The following DDX60L variants were observed in gnomAD, a reference collection of about 807,000 sequenced individuals.
The protein encoded by DDX60L is DExD/H-box 60 like, also known as probable ATP-dependent RNA helicase DDX60-like.
In DDX60L, 191 loss-of-function variants were observed where a neutral mutation model predicts 211.6. That is an observed-to-expected ratio of 0.90 (90% CI 0.80 to 1.02). The LOEUF is 1.02. Among genes scored for constraint, DDX60L ranks in the 50% least tolerant of loss-of-function variants. The pLI is 0.00. For synonymous variants in DDX60L, 706 were observed against 694.1 expected (o/e 1.02, Z -0.27); for missense variants, 2,007 against 1,984.1 (o/e 1.01, Z -0.22).
At chr4:168,475,203 T>C (rs957319034) in intron 1 of DDX60L, among the ~76,000 whole-genome samples, 4 of 152,198 alleles carry the variant, frequency 2.6e-5, no homozygotes, top group Non-Finnish European at 5.9e-5. Context: ...GGAATACTAT[T>C]ATTATCCTAG....
intron 9 of DDX60L, among the ~76,000 whole-genome samples, chr4:168,442,936 A>G (rs1197105699): frequency 7.9e-5 from 12 of 152,274 alleles, no homozygotes; most frequent in African/African-American, 2.6e-4. Flanking sequence ...AAAAAACAGA[A>G]CAGAAAAACT....
At chr4:168,390,525 C>T in intron 29 of DDX60L, 1 of 1,430,880 alleles carries the variant, frequency 7.0e-7, no homozygotes, top group South Asian at 1.6e-5. Flanking sequence ...GGAGAGTTCA[C>T]ATGATCTAAA....
chr4:168,464,399 G>GT (rs1230573676), intron 4 of DDX60L, among the ~76,000 whole-genome samples: 1 of 148,480 alleles, frequency 6.7e-6, no homozygotes, highest in Non-Finnish European at 1.5e-5. Flanking sequence ...TAAAACAATA[G>GT]TTTTTTAATT....
chr4:168,456,657 G>A (rs1223819065), intron 6 of DDX60L, among the ~76,000 whole-genome samples: 1 of 152,030 alleles, frequency 6.6e-6, no homozygotes, highest in African/African-American at 2.4e-5. Flanking sequence ...ACGTCCATCA[G>A]GATCATTAAA....
At chr4:168,426,649 G>A (rs1751497526) in intron 14 of DDX60L, among the ~76,000 whole-genome samples, 1 of 152,142 alleles carries the variant, frequency 6.6e-6, no homozygotes, top group Admixed American at 6.5e-5. Context: ...GCTTCTGCTG[G>A]CTAGACGGGC....
chr4:168,436,141 G>T (rs538088723), intron 10 of DDX60L, among the ~76,000 whole-genome samples: 2 of 152,276 alleles, frequency 1.3e-5, no homozygotes, highest in African/African-American at 4.8e-5. Context: ...TGCTATTCTG[G>T]CTTATTGATC....
At position 168,445,964 on chromosome 4, in the gene DDX60L, T is replaced by C. The variant is rs1210606519; in HGVS notation, c.1138+2674A>G. 5.1e-5 allele frequency among the ~76,000 whole-genome samples: 7 copies of C among 137,412 alleles called. No individual in the cohort carries two copies. In the East Asian group the frequency reaches 1.5e-3, roughly 29 times the overall value. The allele number at this position is 137,412 out of a possible 152,430, so 90.1% of individuals were successfully genotyped here. On this transcript the variant is annotated intron_variant, in intron 9 of 37. Coordinates refer to ENST00000682922, the MANE Select transcript of DDX60L (RefSeq NM_001012967.3). ...AACTGGAAGCATTCCCTTTGAAAAC[T>C]GGCACAAGACAGGGATGCCCTCTCT...
At position 168,373,795 on chromosome 4, in the gene DDX60L, T is replaced by C. The variant is rs758061411; in HGVS notation, c.4647A>G (p.Lys1549=). ...ACACGAGTTGGGAGTCTTCACATTC[T>C]TTACCTGTGAATTCTGACCATTTTG... ...LPLSRIKFTG[K]ECEDSQLVSH... The change falls in exon 35 of 38, where the codon AAA becomes AAG. Residue 1549 remains lysine, a synonymous_variant. Transcript: ENST00000682922. 3 of 1,613,596 alleles carry C rather than the reference T, an allele frequency of 1.9e-6. No homozygotes were observed. The highest frequency in any genetic ancestry group is 1.3e-5 in the African/African-American group (1 of 75,008).
chr4:168,408,101 T>C (rs887586657), intron 22 of DDX60L, among the ~76,000 whole-genome samples: 1 of 152,176 alleles, frequency 6.6e-6, no homozygotes, highest in East Asian at 1.9e-4. Context: ...AAATATTCTG[T>C]CTATAAATGA....
Position 168,406,067 on chromosome 4 carries a change from T to C in DDX60L, c.3096A>G (p.Pro1032=), listed in dbSNP as rs1747697712. 3 of 1,593,646 alleles carry C rather than the reference T, an allele frequency of 1.9e-6. No individual in the cohort carries two copies. Among genetic ancestry groups the C allele is most frequent in the Non-Finnish European group, 1.7e-6 (2 of 1,173,486 alleles). Residue 1032 remains proline (P), a synonymous_variant, in exon 24 of 38, where the codon CCA becomes CCG. Transcript: ENST00000682922. ...ETWPRAQELC[P]EEFILFKNKI... is the part of the protein sequence containing the mutation. ...TATTCTTAAAAAGAATGAATTCCTC[T>C]GGACACAATTCCTTGGGGGGAAAAT...
chr4:168,416,610 C>T, intron 20 of DDX60L, 72 bp downstream of exon 20: 1 of 837,224 alleles, frequency 1.2e-6, no homozygotes, highest in South Asian at 3.1e-5. Context: ...ACCTTAAAGA[C>T]TTCAGACCAT....
intron 21 of DDX60L, 37 bp from the exon 22 acceptor site, chr4:168,415,554 C>T: frequency 2.1e-6 from 3 of 1,460,170 alleles, no homozygotes; most frequent in Non-Finnish European, 2.8e-6. Context: ...AATTAATGGA[C>T]ATACGATTAT....
At chr4:168,391,091 C>T (rs1356260277) in intron 29 of DDX60L, among the ~76,000 whole-genome samples, 1 of 151,986 alleles carries the variant, frequency 6.6e-6, no homozygotes, top group Admixed American at 6.6e-5. Flanking sequence ...CAAAACCTAC[C>T]TAATTTAAAT....
At chr4:168,433,514 T>C (rs1320482919) in intron 10 of DDX60L, among the ~76,000 whole-genome samples, 1 of 152,030 alleles carries the variant, frequency 6.6e-6, no homozygotes, top group Non-Finnish European at 1.5e-5. Context: ...ATCACAAAAA[T>C]AGGAAAAAAT....
At chr4:168,382,751 T>C (rs1014632349) in intron 30 of DDX60L, among the ~76,000 whole-genome samples, 1 of 152,108 alleles carries the variant, frequency 6.6e-6, no homozygotes, top group African/African-American at 2.4e-5. Flanking sequence ...CAGTTTTCAC[T>C]CATACTTGAC....
chr4:168,427,293 C>G lies in DDX60L; in HGVS notation c.1707G>C (p.Lys569Asn). ...CTTTGAGAAATGACTTTTTCTTACT[C>G]TTTTTGGTAATTTGGTGGGGTTTGG... ...QNTKPHQITK[K>N]SKKKSFLKED... Residue 569 changes from lysine (K) to asparagine (N), a missense_variant, in exon 14 of 38, where the codon AAG becomes AAC. Coordinates refer to ENST00000682922, the MANE Select transcript of DDX60L (RefSeq NM_001012967.3). 1 of 1,613,338 alleles carries G rather than the reference C, an allele frequency of 6.2e-7. No individual in the cohort carries two copies. Among genetic ancestry groups the G allele is most frequent in the Non-Finnish European group, 8.5e-7 (1 of 1,179,746 alleles).
chr4:168,404,725 C>T (rs1747440317), intron 24 of DDX60L, among the ~76,000 whole-genome samples: 3 of 152,086 alleles, frequency 2.0e-5, no homozygotes, highest in African/African-American at 7.2e-5. Context: ...TTTTTATAAA[C>T]AGCATCTACC....
Position 168,406,653 on chromosome 4 carries a change from G to C in DDX60L, c.3033C>G (p.Ile1011Met). 6.2e-7 allele frequency: 1 copy of C among 1,607,408 alleles called. No homozygotes were observed. Among genetic ancestry groups the C allele is most frequent in the Non-Finnish European group, 8.5e-7 (1 of 1,176,830 alleles). ...PDLTLTPQES[I>M]QLYDTMAQVW... ...CTTGAGCCATGGTATCATAAAGCTG[G>C]ATGCTTTCTTGAGGGGTGAGGGTAA... The change falls in exon 23 of 38, where the codon ATC (isoleucine) becomes ATG (methionine). Residue 1011 changes from isoleucine to methionine, a missense_variant. Physicochemically the swap from Ile to Met is conservative, Grantham distance 10. Transcript: ENST00000682922.
In DDX60L at chr4:168,421,204, A is replaced by G. The variant is rs1470840978; in HGVS notation, c.2394+556T>C. Among the ~76,000 whole-genome samples the G allele has an allele frequency of 2.0e-5, 3 of 152,302 alleles. No homozygotes were observed. The South Asian group carries it at 6.2e-4, about 32-fold the overall frequency. On this transcript the variant is annotated intron_variant, in intron 17 of 37. Coordinates refer to ENST00000682922, the MANE Select transcript of DDX60L (RefSeq NM_001012967.3). The stretch of plus-strand genomic sequence containing the variant: ...AGGAAAGGGGAGAGAGAAAGAAAGA[A>G]AGGGAAACAACTTAAAATGTAAATT...
Sources: gnomAD v4.1 joint callset for allele counts (sites outside exome capture counted in the v4.1 genomes callset) on GRCh38, gnomAD v4.1.1 for gene constraint, MANE v1.5 for transcripts, NCBI Gene and HGNC (gene_info 2026-07-23, HGNC 2026-07-21) for gene names.